Variants in CMIP observed in about 807,000 individuals in gnomAD.
CMIP encodes c-Maf inducing protein, also known as C-Maf-inducing protein.
Under a neutral mutation model 97.3 loss-of-function variants are expected in CMIP, and 13 were observed. That is an observed-to-expected ratio of 0.13 (90% CI 0.09 to 0.21). The LOEUF is 0.21. CMIP is among the 10% of genes least tolerant of loss of function. The probability of loss-of-function intolerance (pLI) is 1.00; values close to 1 mark genes in which losing one functional copy is unlikely to be tolerated. For synonymous variants in CMIP, 538 were observed against 436.3 expected (o/e 1.23, Z -2.91); for missense variants, 847 against 1,024.9 (o/e 0.83, Z 2.37).
chr16:81,489,480 A>C (rs1207948498), intron 1 of CMIP, among the ~76,000 whole-genome samples: 1 of 152,242 alleles, frequency 6.6e-6, no homozygotes, highest in East Asian at 1.9e-4. Context: ...GTGAGAGACC[A>C]GCAGGAGAGG....
intron 1 of CMIP, among the ~76,000 whole-genome samples, chr16:81,548,512 C>T (rs1370501222): frequency 6.6e-6 from 1 of 151,992 alleles, no homozygotes; most frequent in Non-Finnish European, 1.5e-5. Flanking sequence ...TCACTAGATG[C>T]CCACAGCACC....
intron 3 of CMIP, chr16:81,651,263 G>A (rs1364236009): frequency 1.7e-5 from 3 of 174,960 alleles, no homozygotes; most frequent in African/African-American, 2.4e-5. Context: ...TGCAAAGGCG[G>A]GAGCCCGGGC....
chr16:81,540,643 A>AGTGTGTGTGTGTGT (rs67286788), intron 1 of CMIP, among the ~76,000 whole-genome samples: 33 of 141,870 alleles, frequency 2.3e-4, no homozygotes, highest in African/African-American at 8.0e-4. Context: ...TCTTGTTTTG[A>AGTGTGTGTGTGTGT]GTGTGTGTGT....
intron 1 of CMIP, chr16:81,518,628 C>G (rs924071347): frequency 3.9e-5 from 6 of 152,254 alleles, no homozygotes; most frequent in Admixed American, 3.3e-4. Context: ...AGCATCCTAC[C>G]GTTCCCACTA....
intron 3 of CMIP, among the ~76,000 whole-genome samples, chr16:81,626,218 C>CGTGAGAGTGTGT (rs1555539818): frequency 6.6e-6 from 1 of 151,224 alleles, no homozygotes; most frequent in Non-Finnish European, 1.5e-5. Flanking sequence ...TGTGTGTGCG[C>CGTGAGAGTGTGT]GTGAGAATGT....
rs1032717741 is a variant in CMIP, at chr16:81,477,542, C to A, written c.300+32001C>A. On this transcript the variant is annotated intron_variant, in intron 1 of 20. Coordinates refer to ENST00000537098, the MANE Select transcript of CMIP (RefSeq NM_198390.3). Reference sequence around the variant, plus strand: ...CCTTTCCCACTGAAGGCAATGGCTGCCCTCCCTGTGTGAAGGCGGCTGGAC... The same window carrying A: ...CCTTTCCCACTGAAGGCAATGGCTGACCTCCCTGTGTGAAGGCGGCTGGAC... Among the ~76,000 whole-genome samples, 5 of 152,240 alleles carry A rather than the reference C, an allele frequency of 3.3e-5. No homozygotes were observed. In the East Asian group the frequency reaches 9.6e-4, roughly 29 times the overall value.
rs780537169 is a variant in CMIP at position 81,693,495 on chromosome 16, C to T, written c.1530+8C>T. 1.1e-5 allele frequency: 18 copies of T among 1,610,610 alleles called. No homozygotes were observed. The African/African-American group carries it at 1.9e-4, about 17-fold the overall frequency. ...GAAGACCCCAGGCAAGAGGTGAGGC[C>T]TTTGTTTCTGCATCTCAGGCCGGCT... On this transcript the variant is annotated splice_region_variant and intron_variant, in intron 13 of 20. Coordinates refer to ENST00000537098, the MANE Select transcript of CMIP (RefSeq NM_198390.3).
At chr16:81,706,617 C>T (rs1908173859) in intron 19 of CMIP, among the ~76,000 whole-genome samples, 1 of 152,214 alleles carries the variant, frequency 6.6e-6, no homozygotes, top group Admixed American at 6.5e-5. Flanking sequence ...GAGGTTGAGG[C>T]TTGCTTTCAA....
intron 1 of CMIP, among the ~76,000 whole-genome samples, chr16:81,564,387 G>A (rs986414479): frequency 5.3e-5 from 8 of 152,218 alleles, no homozygotes; most frequent in Non-Finnish European, 1.2e-4. Flanking sequence ...GTCTTTACGA[G>A]TGTGTGTTAT....
Position 81,693,320 on chromosome 16 carries a change from A to C in CMIP, c.1482-119A>C. 4.9e-6 allele frequency: 7 copies of C among 1,436,398 alleles called. No homozygotes were observed. In the East Asian group the frequency reaches 1.7e-4, roughly 35 times the overall value. The allele number at this position is 1,436,398 out of a possible 1,614,324, so 89.0% of individuals were successfully genotyped here. ...AGTTCTCTTGAGACACGTGTCCCTG[A>C]TCCACCGCCTTGCCCAGCTCCCTGG... On this transcript the variant is annotated intron_variant, in intron 12 of 20. Coordinates refer to ENST00000537098, the MANE Select transcript of CMIP (RefSeq NM_198390.3).
intron 1 of CMIP, among the ~76,000 whole-genome samples, chr16:81,541,489 G>A (rs1205032533): frequency 6.6e-6 from 1 of 152,134 alleles, no homozygotes; most frequent in Non-Finnish European, 1.5e-5. Flanking sequence ...GATGCTCTTG[G>A]GACCCTCACA....
chr16:81,526,180 C>G (rs1338769760), intron 1 of CMIP, among the ~76,000 whole-genome samples: 1 of 152,136 alleles, frequency 6.6e-6, no homozygotes, highest in East Asian at 1.9e-4. Context: ...ATTTTCTCGT[C>G]AGGAGTAAAA....
At chr16:81,579,694 C>A (rs937329506) in intron 1 of CMIP, among the ~76,000 whole-genome samples, 1 of 149,390 alleles carries the variant, frequency 6.7e-6, no homozygotes. Context: ...GCAAAGATTT[C>A]ATGTAAAAAA....
chr16:81,475,190 C>G (rs1037765513), intron 1 of CMIP, among the ~76,000 whole-genome samples: 5 of 152,150 alleles, frequency 3.3e-5, no homozygotes, highest in Non-Finnish European at 7.4e-5. Context: ...CTGTCTCTTT[C>G]TCTCTAGGTG....
At chr16:81,483,587 T>TCCTCTC (rs1555521404) in intron 1 of CMIP, among the ~76,000 whole-genome samples, 8 of 148,278 alleles carry the variant, frequency 5.4e-5, no homozygotes, top group African/African-American at 2.1e-4. Context: ...CTCTTCCTCT[T>TCCTCTC]CCTCTTCCTC....
chr16:81,504,549 A>G (rs546055040), intron 1 of CMIP, among the ~76,000 whole-genome samples: 1 of 144,774 alleles, frequency 6.9e-6, no homozygotes, highest in South Asian at 2.3e-4. Flanking sequence ...AGGCTGAGGC[A>G]GGAGAATCGC....
At chr16:81,651,025 C>T (rs983738586) in intron 3 of CMIP, among the ~76,000 whole-genome samples, 10 of 152,142 alleles carry the variant, frequency 6.6e-5, no homozygotes, top group Non-Finnish European at 7.3e-5. Context: ...GTCAGGGAGG[C>T]TCTGGCAGCT....
chr16:81,456,635 G>A (rs1223242709), intron 1 of CMIP, among the ~76,000 whole-genome samples: 1 of 152,220 alleles, frequency 6.6e-6, no homozygotes, highest in Non-Finnish European at 1.5e-5. Flanking sequence ...GCAAACTGAG[G>A]CCCGGAGAGG....
At chr16:81,504,356 A>T (rs1272331024) in intron 1 of CMIP, among the ~76,000 whole-genome samples, 1 of 151,792 alleles carries the variant, frequency 6.6e-6, no homozygotes, top group Non-Finnish European at 1.5e-5. Flanking sequence ...GAAAATGGCC[A>T]GCGGGGCTGG....
Sources: gnomAD v4.1 joint callset for allele counts (sites outside exome capture counted in the v4.1 genomes callset) on GRCh38, gnomAD v4.1.1 for gene constraint, MANE v1.5 for transcripts, NCBI Gene and HGNC (gene_info 2026-07-23, HGNC 2026-07-21) for gene names.